IGF2BP3: variants seen among roughly 807,000 people sequenced by gnomAD.
IGF2BP3 encodes insulin like growth factor 2 mRNA binding protein 3, also known as insulin-like growth factor 2 mRNA-binding protein 3.
IGF2BP3 carries 9 observed loss-of-function variants against 73.8 expected under a neutral mutation model. The ratio of observed to expected loss-of-function variants is 0.12; its 90% CI spans 0.07 to 0.21. The LOEUF (loss-of-function observed/expected upper bound fraction) is 0.21, where lower values mean the gene tolerates loss of function less well. Ranked by LOEUF, IGF2BP3 falls within the 10% of genes least tolerant of loss-of-function variation. IGF2BP3 has a pLI of 1.00. For missense variants in IGF2BP3, 542 were observed against 714.0 expected, an observed-to-expected ratio of 0.76 and a Z score of 2.75; for synonymous variants, 258 against 256.7, an observed-to-expected ratio of 1.01 and a Z score of -0.05.
chr7:23,434,039 C>CTG (rs1337438086), intron 2 of IGF2BP3, among the ~76,000 whole-genome samples: 1 of 149,078 alleles, frequency 6.7e-6, no homozygotes, highest in Non-Finnish European at 1.5e-5. Flanking sequence ...GATTGTGCCA[C>CTG]TGCACTCCAG....
At chr7:23,360,110 A>G (rs1785188447) in intron 5 of IGF2BP3, among the ~76,000 whole-genome samples, 1 of 151,438 alleles carries the variant, frequency 6.6e-6, no homozygotes, top group Non-Finnish European at 1.5e-5. Context: ...TGTGTTAGGG[A>G]GAATTGGAGA....
At chr7:23,397,461 C>A (rs1320085452) in intron 3 of IGF2BP3, among the ~76,000 whole-genome samples, 3 of 152,196 alleles carry the variant, frequency 2.0e-5, no homozygotes, top group Non-Finnish European at 2.9e-5. Flanking sequence ...TGAACTGCAG[C>A]CGTCTCCTCT....
intron 6 of IGF2BP3, among the ~76,000 whole-genome samples, chr7:23,349,082 T>C (rs1458746031): frequency 6.6e-6 from 1 of 152,348 alleles, no homozygotes; most frequent in Non-Finnish European, 1.5e-5. Context: ...GGTAACTTTT[T>C]AATTTACATA....
chr7:23,339,767 A>G (rs1034259048), intron 10 of IGF2BP3, among the ~76,000 whole-genome samples: 1 of 152,206 alleles, frequency 6.6e-6, no homozygotes, highest in African/African-American at 2.4e-5. Context: ...CCTAGCACAG[A>G]GTTACGTCAC....
At chr7:23,457,941 C>A (rs1191214473) in intron 2 of IGF2BP3, among the ~76,000 whole-genome samples, 1 of 152,172 alleles carries the variant, frequency 6.6e-6, no homozygotes, top group Non-Finnish European at 1.5e-5. Flanking sequence ...AAATTAAAAA[C>A]ACACCACCTG....
intron 5 of IGF2BP3, among the ~76,000 whole-genome samples, chr7:23,360,078 T>C (rs771192980): frequency 3.3e-5 from 5 of 151,186 alleles, no homozygotes; most frequent in African/African-American, 4.9e-5. Flanking sequence ...ACATACTAGA[T>C]TGGCAAAGTT....
At chr7:23,390,423 AG>A (rs1450358556) in intron 3 of IGF2BP3, among the ~76,000 whole-genome samples, 3 of 152,238 alleles carry the variant, frequency 2.0e-5, no homozygotes, top group African/African-American at 7.2e-5. Flanking sequence ...AAACAAGCGT[AG>A]ATCTGTCCCT....
chr7:23,313,636 A>G lies in IGF2BP3; in HGVS notation c.1413T>C (p.Tyr471=), dbSNP rs1783893153. Residue 471 remains tyrosine, a synonymous_variant, in exon 13 of 15, where the codon TAT becomes TAC. Transcript: ENST00000258729. ...EAQFKAQGRI[Y]GKIKEENFVS... ...CAAAGTTTTCTTCTTTAATTTTTCC[A>G]TAAATTCTTCCCTGAGCCTGCAGAT... 6.2e-7 allele frequency: 1 copy of G among 1,613,700 alleles called. No individual in the cohort carries two copies. The highest frequency in any genetic ancestry group is 8.5e-7 in the Non-Finnish European group (1 of 1,179,970).
chr7:23,468,260 A>G (rs746171430), intron 2 of IGF2BP3, among the ~76,000 whole-genome samples: 1 of 152,186 alleles, frequency 6.6e-6, no homozygotes, highest in Non-Finnish European at 1.5e-5. Flanking sequence ...TGTAACCAAT[A>G]ACCATAATCC....
At chr7:23,384,755 G>C (rs1287438511) in intron 3 of IGF2BP3, among the ~76,000 whole-genome samples, 1 of 152,166 alleles carries the variant, frequency 6.6e-6, no homozygotes, top group Non-Finnish European at 1.5e-5. Context: ...GCTGGGTGTG[G>C]TGGTGCGTGC....
intron 10 of IGF2BP3, among the ~76,000 whole-genome samples, chr7:23,340,353 C>T (rs543023744): frequency 1.3e-5 from 2 of 152,060 alleles, no homozygotes; most frequent in Non-Finnish European, 2.9e-5. Flanking sequence ...GAAACACACA[C>T]GGCAGGAGGG....
At chr7:23,390,330 G>A (rs1033896952) in intron 3 of IGF2BP3, among the ~76,000 whole-genome samples, 2 of 151,986 alleles carry the variant, frequency 1.3e-5, no homozygotes, top group Non-Finnish European at 1.5e-5. Context: ...ACCTATAATG[G>A]GGAAGAAGTA....
chr7:23,417,098 C>T (rs1787212044), intron 3 of IGF2BP3, among the ~76,000 whole-genome samples: 1 of 152,038 alleles, frequency 6.6e-6, no homozygotes, highest in Admixed American at 6.6e-5. Flanking sequence ...ACAAAGTGAC[C>T]CTTCTCAAAA....
chr7:23,456,765 T>C (rs964562587), intron 2 of IGF2BP3, among the ~76,000 whole-genome samples: 1 of 152,184 alleles, frequency 6.6e-6, no homozygotes, highest in East Asian at 1.9e-4. Flanking sequence ...AATTTAGTTT[T>C]GAGGCCAGGC....
chr7:23,411,340 G>A (rs550663507), intron 3 of IGF2BP3, among the ~76,000 whole-genome samples: 39 of 152,284 alleles, frequency 2.6e-4, no homozygotes, highest in African/African-American at 8.7e-4. Context: ...CCAGCACTTT[G>A]GGAGGCCAAA....
At chr7:23,462,916 A>G (rs906975296) in intron 2 of IGF2BP3, among the ~76,000 whole-genome samples, 1 of 152,218 alleles carries the variant, frequency 6.6e-6, no homozygotes, top group Non-Finnish European at 1.5e-5. Context: ...GCTTGCCATC[A>G]GCCTTCAAGC....
chr7:23,364,582 G>T, intron 3 of IGF2BP3, among the ~76,000 whole-genome samples: 1 of 147,794 alleles, frequency 6.8e-6, no homozygotes, highest in Admixed American at 6.8e-5. Flanking sequence ...GCGGGAGGTT[G>T]GGGGGTGGGG....
intron 3 of IGF2BP3, chr7:23,414,223 A>G (rs976131891): frequency 1.3e-5 from 2 of 152,180 alleles, no homozygotes; most frequent in Non-Finnish European, 2.9e-5. Flanking sequence ...GTGCCCACCC[A>G]TAAGTGCTTT....
intron 2 of IGF2BP3, among the ~76,000 whole-genome samples, chr7:23,429,823 C>G (rs1043130876): frequency 1.3e-5 from 2 of 152,196 alleles, no homozygotes; most frequent in African/African-American, 2.4e-5. Flanking sequence ...CATATCAAGT[C>G]AAGTCCCAAT....
Sources: gnomAD v4.1 joint callset for allele counts (sites outside exome capture counted in the v4.1 genomes callset) on GRCh38, gnomAD v4.1.1 for gene constraint, MANE v1.5 for transcripts, NCBI Gene and HGNC (gene_info 2026-07-23, HGNC 2026-07-21) for gene names.